The following CHST15 variants were observed in gnomAD, a reference collection of about 807,000 sequenced individuals.
The protein encoded by CHST15 is carbohydrate sulfotransferase 15.
CHST15 carries 30 observed loss-of-function variants against 53.6 expected under a neutral mutation model. The ratio of observed to expected loss-of-function variants is 0.56; its 90% CI spans 0.42 to 0.76. The LOEUF (loss-of-function observed/expected upper bound fraction) is 0.76, where lower values mean the gene tolerates loss of function less well. Ranked by LOEUF, CHST15 falls within the 30% of genes least tolerant of loss-of-function variation. The pLI, the probability that CHST15 is intolerant of heterozygous loss-of-function variation, is 0.00. For missense variants in CHST15, 627 were observed against 740.5 expected (o/e 0.85, Z 1.78); for synonymous variants, 296 against 289.8 (o/e 1.02, Z -0.22).
chr10:124,022,662 C>T (rs142984142), intron 5 of CHST15, among the ~76,000 whole-genome samples: 1 of 152,280 alleles, frequency 6.6e-6, no homozygotes, highest in East Asian at 1.9e-4. Flanking sequence ...TCCTAGTCCA[C>T]CACCCCCAGG....
intron 1 of CHST15, among the ~76,000 whole-genome samples, chr10:124,068,951 A>G (rs2134146691): frequency 6.6e-6 from 1 of 152,372 alleles, no homozygotes; most frequent in Non-Finnish European, 1.5e-5. Context: ...ATACAAAGAA[A>G]GCATACAAGG....
intron 2 of CHST15, among the ~76,000 whole-genome samples, chr10:124,045,134 A>AC (rs1564882327): frequency 1.6e-4 from 24 of 147,448 alleles, no homozygotes; most frequent in African/African-American, 5.4e-4. Context: ...AAAAAAAAAA[A>AC]AAAAAAAAAA....
Position 124,009,282 on chromosome 10 carries a change from C to G in CHST15, c.*867G>C, listed in dbSNP as rs1053864362. ...GCATTAACAGCAAAAATTTCTCTTC[C>G]AATTATAAACTGAAGTTCTTGAGAA... On this transcript the variant is annotated 3_prime_UTR_variant, in exon 8 of 8. Transcript: ENST00000435907. The G allele has an allele frequency of 2.5e-5, 27 of 1,093,584 alleles. No homozygotes were observed. Among genetic ancestry groups the G allele is most frequent in the Non-Finnish European group, 2.9e-5 (26 of 888,672 alleles). 67.7% of individuals were successfully genotyped at this position (1,093,584 alleles called of 1,614,324 possible). A position where few individuals can be genotyped will look rare whatever the true frequency, so the allele number is the denominator to read the frequency against.
Position 124,045,898 on chromosome 10 carries a change from A to C in CHST15, c.315T>G (p.Leu105=). ...CGTAATGGAAAGGTGATGAGATCAG[A>C]AGCTCTTGGTGGGCCCCAGAAAGGA... The part of the protein sequence containing the change: ...SYILSGAHQE[L]LISSPFHYGG... Residue 105 remains leucine, a synonymous_variant, in exon 2 of 8, where the codon CTT becomes CTG. Coordinates refer to ENST00000435907, the MANE Select transcript of CHST15 (RefSeq NM_001270764.2). 2 of 1,614,060 alleles carry C rather than the reference A, an allele frequency of 1.2e-6. No individual in the cohort carries two copies. Among genetic ancestry groups the C allele is most frequent in the Admixed American group, 3.3e-5 (2 of 60,012 alleles).
At chr10:124,014,295 C>T (rs1271713355) in intron 6 of CHST15, among the ~76,000 whole-genome samples, 6 of 152,224 alleles carry the variant, frequency 3.9e-5, no homozygotes, top group African/African-American at 1.4e-4. Flanking sequence ...CTGCTGAATA[C>T]AGTGCTAATA....
intron 6 of CHST15, among the ~76,000 whole-genome samples, chr10:124,017,389 C>T (rs1946622316): frequency 6.6e-6 from 1 of 152,132 alleles, no homozygotes; most frequent in Admixed American, 6.5e-5. Context: ...ATACCTTGCC[C>T]CTCACTGTCC....
intron 6 of CHST15, among the ~76,000 whole-genome samples, chr10:124,014,532 C>T (rs772123795): frequency 9.2e-5 from 14 of 152,164 alleles, no homozygotes; most frequent in Non-Finnish European, 1.6e-4. Flanking sequence ...AAAATGAGAA[C>T]GTGCCGGTCT....
intron 1 of CHST15, among the ~76,000 whole-genome samples, chr10:124,091,396 T>A (rs544519247): frequency 1.3e-5 from 2 of 151,900 alleles, no homozygotes; most frequent in African/African-American, 4.8e-5. Context: ...CCAAGGAGGG[T>A]CCAGGAGAAA....
intron 3 of CHST15, among the ~76,000 whole-genome samples, 190 bp from the exon 4 acceptor site, chr10:124,042,637 C>T (rs7893836): frequency 0.07 from 10,583 of 152,128 alleles, 1,223 homozygotes; most frequent in African/African-American, 0.24. Context: ...GGCCTGGCTA[C>T]CCACTTCAAT....
In CHST15 at chr10:124,067,802, A is replaced by T. The variant is rs145907666; in HGVS notation, c.-512-21078T>A. Among the ~76,000 whole-genome samples, 416 of 152,204 alleles carry T rather than the reference A, an allele frequency of 2.7e-3. 2 individuals carry two copies. The highest frequency in any genetic ancestry group is 9.5e-3 in the African/African-American group (395 of 41,530). Reference sequence around the variant, plus strand: ...CCGCTAATTTTTGTATTTTTAGTAGAGACGGGGTTTCACCATGTTGGCCAG... The same window carrying T: ...CCGCTAATTTTTGTATTTTTAGTAGTGACGGGGTTTCACCATGTTGGCCAG... On this transcript the variant is annotated intron_variant, in intron 1 of 7. Transcript: ENST00000435907.
intron 5 of CHST15, among the ~76,000 whole-genome samples, chr10:124,030,693 T>C (rs1373531842): frequency 6.6e-6 from 1 of 152,232 alleles, no homozygotes; most frequent in African/African-American, 2.4e-5. Context: ...AAACATCGCA[T>C]GACATTCCCA....
In CHST15 at chr10:124,044,657, T is replaced by G; in HGVS notation, c.809A>C (p.Tyr270Ser). The part of the protein sequence containing the change: ...GQPKCGTTDL[Y>S]DRLRLHPEVK... ...CTCAGGGTGCAGCCGCAGGCGGTCA[T>G]AGAGGTCTGTGGTCCCGCACTTGGG... Residue 270 changes from tyrosine (Y) to serine (S), a missense_variant, in exon 3 of 8, where the codon TAT becomes TCT. This residue lies in a region of CHST15 where 161 missense variants were observed against 117.2 expected (regional missense o/e 1.37). Transcript: ENST00000435907. 6.2e-7 allele frequency: 1 copy of G among 1,611,292 alleles called. No individual in the cohort carries two copies. Among genetic ancestry groups the G allele is most frequent in the Non-Finnish European group, 8.5e-7 (1 of 1,178,582 alleles).
chr10:124,026,355 GAA>G (rs1947009277), intron 5 of CHST15, among the ~76,000 whole-genome samples: 1 of 152,178 alleles, frequency 6.6e-6, no homozygotes, highest in Non-Finnish European at 1.5e-5. Context: ...CTCTCCAGGG[GAA>G]AAGAGTGAGT....
rs1946759449 is a variant in CHST15, at chr10:124,021,044, C to G, written c.1347+212G>C. 3.5e-6 allele frequency: 5 copies of G among 1,436,622 alleles called. No individual in the cohort carries two copies. In the South Asian group the frequency reaches 7.4e-5, roughly 21 times the overall value. 89.0% of individuals were successfully genotyped at this position (1,436,622 alleles called of 1,614,324 possible). A position where few individuals can be genotyped will look rare whatever the true frequency, so the allele number is the denominator to read the frequency against. On this transcript the variant is annotated intron_variant, in intron 6 of 7. Coordinates refer to ENST00000435907, the MANE Select transcript of CHST15 (RefSeq NM_001270764.2). ...GGGAGGAGGGGGAGGTGGCAGGTGA[C>G]CAGCAGGGAGGAAGGCAGGAGCCAG...
intron 5 of CHST15, among the ~76,000 whole-genome samples, chr10:124,022,808 T>C (rs979001779): frequency 6.8e-6 from 1 of 147,010 alleles, no homozygotes; most frequent in Non-Finnish European, 1.5e-5. Flanking sequence ...CTCCTTGGCA[T>C]TTCTTTTTTT....
intron 6 of CHST15, among the ~76,000 whole-genome samples, chr10:124,018,324 T>C (rs968582611): frequency 6.6e-6 from 1 of 152,362 alleles, no homozygotes; most frequent in Non-Finnish European, 1.5e-5. Context: ...TAATTACAGT[T>C]GTTTAGGATT....
chr10:124,071,814 T>C (rs1280555952), intron 1 of CHST15, among the ~76,000 whole-genome samples: 1 of 152,266 alleles, frequency 6.6e-6, no homozygotes, highest in Non-Finnish European at 1.5e-5. Flanking sequence ...ATTAAGTATC[T>C]GCTTTTAAAT....
rs1947128896 is a variant in CHST15, at chr10:124,029,305, T to C, written c.1191-7893A>G. ...GCCAGGCCAGCTGATCTGGAGGGAA[T>C]GTCCAAGGTCACCTTAGACTGAACA... On this transcript the variant is annotated intron_variant, in intron 5 of 7. Transcript: ENST00000435907. Among the ~76,000 whole-genome samples the C allele has an allele frequency of 2.6e-5, 4 of 152,328 alleles. No individual in the cohort carries two copies. In the South Asian group the frequency reaches 8.3e-4, roughly 32 times the overall value.
intron 1 of CHST15, among the ~76,000 whole-genome samples, chr10:124,055,408 G>T (rs1948342015): frequency 6.6e-6 from 1 of 152,134 alleles, no homozygotes; most frequent in Non-Finnish European, 1.5e-5. Flanking sequence ...AAATGACCCG[G>T]ATTCCTTGCA....
Sources: gnomAD v4.1 joint callset for allele counts (sites outside exome capture counted in the v4.1 genomes callset) on GRCh38, gnomAD v4.1.1 for gene constraint, gnomAD v4.1.1 regional missense constraint, MANE v1.5 for transcripts, NCBI Gene and HGNC (gene_info 2026-07-23, HGNC 2026-07-21) for gene names.